TARBP1: variants seen among roughly 807,000 people sequenced by gnomAD.
The protein encoded by TARBP1 is tRNA (guanosine(18)-2'-O)-methyltransferase TARBP1.
TARBP1 carries 144 observed loss-of-function variants against 178.6 expected under a neutral mutation model. The ratio of observed to expected loss-of-function variants is 0.81; its 90% CI spans 0.70 to 0.93. The LOEUF is 0.93. Ranked by LOEUF, TARBP1 falls within the 40% of genes least tolerant of loss-of-function variation. The pLI is 0.00. For synonymous variants in TARBP1, 787 were observed against 781.0 expected (o/e 1.01, Z -0.13); for missense variants, 2,067 against 2,011.7 (o/e 1.03, Z -0.53).
In TARBP1 at chr1:234,427,378, C is replaced by A; in HGVS notation, c.3262G>T (p.Asp1088Tyr). ...AGGTTTTCTATGAAGGTCTGTACAT[C>A]CTGAACAAGTCTTTCCATAAAAAAC... is the stretch of plus-strand genomic sequence containing the variant. ...VFRRDQRLVQ[D>Y]VQTFIENLGH... The change falls in exon 19 of 30, where the codon GAT becomes TAT. Residue 1088 changes from aspartate to tyrosine, a missense_variant. Coordinates refer to ENST00000040877, the MANE Select transcript of TARBP1 (RefSeq NM_005646.4). The A allele has an allele frequency of 6.2e-7, 1 of 1,608,302 alleles. No homozygotes were observed. The highest frequency in any genetic ancestry group is 8.5e-7 in the Non-Finnish European group (1 of 1,178,050).
Position 234,478,394 on chromosome 1 carries a change from G to A in TARBP1, c.710C>T (p.Ala237Val). ...EEKLLVLSALAEKLLPEPGGD... is the reference protein window; with the variant it reads ...EEKLLVLSALVEKLLPEPGGD... ...GCCGGGCTCGGGCAACAGCTTCTCG[G>A]CCAGGGCGCTCAGGACCAGCAGCTT... is the stretch of plus-strand genomic sequence containing the variant. Residue 237 changes from alanine (A) to valine (V), a missense_variant, in exon 1 of 30, where the codon GCC becomes GTC. By Grantham distance (64) the Ala-to-Val change is moderately conservative. Coordinates refer to ENST00000040877, the MANE Select transcript of TARBP1 (RefSeq NM_005646.4). 7.4e-7 allele frequency: 1 copy of A among 1,355,720 alleles called. No homozygotes were observed. The highest frequency in any genetic ancestry group is 9.5e-7 in the Non-Finnish European group (1 of 1,049,516). The allele number at this position is 1,355,720 out of a possible 1,614,324, so 84.0% of individuals were successfully genotyped here. A position where few individuals can be genotyped will look rare whatever the true frequency, so the allele number is the denominator to read the frequency against.
chr1:234,416,083 T>A (rs372210593), intron 22 of TARBP1, among the ~76,000 whole-genome samples: 2 of 152,188 alleles, frequency 1.3e-5, no homozygotes, highest in East Asian at 3.8e-4. Context: ...CTGGCACTAC[T>A]GTGGATGGGA....
intron 7 of TARBP1, 116 bp downstream of exon 7, chr1:234,460,145 C>A (rs1418153205): frequency 8.4e-6 from 10 of 1,185,164 alleles, no homozygotes; most frequent in Middle Eastern, 2.1e-4. Flanking sequence ...CCCAAACATC[C>A]CAATCCCAAT....
intron 10 of TARBP1, among the ~76,000 whole-genome samples, chr1:234,449,231 T>C (rs756398316): frequency 1.7e-4 from 26 of 152,330 alleles, no homozygotes; most frequent in Non-Finnish European, 2.9e-4. Context: ...AGAGGACCTT[T>C]GTCTCTGCCC....
intron 12 of TARBP1, among the ~76,000 whole-genome samples, chr1:234,443,126 A>C (rs1327152573): frequency 1.3e-5 from 2 of 152,050 alleles, no homozygotes; most frequent in Non-Finnish European, 2.9e-5. Context: ...CCCTGTTTCT[A>C]ATAAAAATAC....
chr1:234,419,369 C>T (rs72763882), intron 21 of TARBP1, among the ~76,000 whole-genome samples: 7,234 of 152,118 alleles, frequency 0.048, 235 homozygotes, highest in Middle Eastern at 0.14. Flanking sequence ...ATTTTGAATT[C>T]CACCTCTATC....
chr1:234,465,933 T>G (rs772529211), intron 4 of TARBP1, among the ~76,000 whole-genome samples: 2 of 152,046 alleles, frequency 1.3e-5, no homozygotes, highest in African/African-American at 2.4e-5. Flanking sequence ...TGATTAAAAT[T>G]TATGCCATAC....
At chr1:234,454,848 T>G (rs187779648) in intron 9 of TARBP1, among the ~76,000 whole-genome samples, 35 of 152,288 alleles carry the variant, frequency 2.3e-4, no homozygotes, top group African/African-American at 7.5e-4. Context: ...CAAAAGGAGC[T>G]TTGCAGATTT....
intron 6 of TARBP1, among the ~76,000 whole-genome samples, chr1:234,463,375 C>T (rs147708871): frequency 0.024 from 3,586 of 152,252 alleles, 145 homozygotes; most frequent in African/African-American, 0.082. Flanking sequence ...CTGTCTGCCT[C>T]GGCCTCCCAA....
chr1:234,453,654 A>G (rs1667010510), intron 9 of TARBP1, among the ~76,000 whole-genome samples: 1 of 152,242 alleles, frequency 6.6e-6, no homozygotes, highest in Non-Finnish European at 1.5e-5. Context: ...ACATAACTAG[A>G]TAATTAGATA....
At chr1:234,448,913 G>A (rs528431482) in intron 10 of TARBP1, among the ~76,000 whole-genome samples, 3 of 152,190 alleles carry the variant, frequency 2.0e-5, no homozygotes, top group South Asian at 4.1e-4. Context: ...TGAGGGCTAC[G>A]AATGAGAAGT....
Position 234,478,353 on chromosome 1 carries a change from CGCGGGCGCG to C in TARBP1, c.742_750del (p.Arg248_Arg250del), listed in dbSNP as rs1669778268. 7.9e-7 allele frequency: 1 copy of C among 1,269,870 alleles called. No individual in the cohort carries two copies. Among genetic ancestry groups the C allele is most frequent in the Admixed American group, 4.1e-5 (1 of 24,110 alleles). The allele number at this position is 1,269,870 out of a possible 1,614,324, so 78.7% of individuals were successfully genotyped here. A position where few individuals can be genotyped will look rare whatever the true frequency, so the allele number is the denominator to read the frequency against. The stretch of plus-strand genomic sequence containing the variant: ...GCGTCCGGGCCCGCCTCGCGCGCGC[CGCGGGCGCG>C]GTCGCCGCCGGGCTCGGGCAACAGC... On this transcript the variant is annotated inframe_deletion, in exon 1 of 30. Transcript: ENST00000040877.
At chr1:234,449,382 A>T (rs1293771543) in intron 10 of TARBP1, among the ~76,000 whole-genome samples, 1 of 152,246 alleles carries the variant, frequency 6.6e-6, no homozygotes, top group Non-Finnish European at 1.5e-5. Flanking sequence ...AAGCAAGAGT[A>T]GATGCAAGGT....
rs1664684547 is a variant in TARBP1, at chr1:234,433,453, T to G, written c.2351A>C (p.Lys784Thr). ...NPIWRVISLL[K>T]NASIQHLQEM... ...TTGAAGATGCTGAATGGATGCATTT[T>G]TCAAAAGAGAAATAACTCTCCAGAT... Residue 784 changes from lysine to threonine, a missense_variant, in exon 14 of 30, where the codon AAA becomes ACA. Physicochemically the swap from Lys to Thr is moderately conservative, Grantham distance 78. Coordinates refer to ENST00000040877, the MANE Select transcript of TARBP1 (RefSeq NM_005646.4). 8.1e-6 allele frequency: 13 copies of G among 1,613,914 alleles called. No individual in the cohort carries two copies. Among genetic ancestry groups the G allele is most frequent in the Non-Finnish European group, 1.1e-5 (13 of 1,180,004 alleles).
In TARBP1 at chr1:234,478,346, C is replaced by T. The variant is rs1420634237; in HGVS notation, c.758G>A (p.Arg253His). 1 of 1,275,726 alleles carries T rather than the reference C, an allele frequency of 7.8e-7. No individual in the cohort carries two copies. The allele number at this position is 1,275,726 out of a possible 1,614,324, so 79.0% of individuals were successfully genotyped here. A position where few individuals can be genotyped will look rare whatever the true frequency, so the allele number is the denominator to read the frequency against. Reference sequence around the variant, plus strand: ...GCGCCGGGCGTCCGGGCCCGCCTCGCGCGCGCCGCGGGCGCGGTCGCCGCC... The same window carrying T: ...GCGCCGGGCGTCCGGGCCCGCCTCGTGCGCGCCGCGGGCGCGGTCGCCGCC... ...EPGGDRARGA[R>H]EAGPDARRCW... The change falls in exon 1 of 30, where the codon CGC becomes CAC. Residue 253 changes from arginine to histidine, a missense_variant. Coordinates refer to ENST00000040877, the MANE Select transcript of TARBP1 (RefSeq NM_005646.4).
At chr1:234,458,707 G>A (rs539838888) in intron 8 of TARBP1, among the ~76,000 whole-genome samples, 9 of 152,216 alleles carry the variant, frequency 5.9e-5, no homozygotes, top group African/African-American at 1.9e-4. Context: ...CTTGAATGTC[G>A]ATACAGGGGA....
At chr1:234,447,062 G>A in intron 11 of TARBP1, 87 bp from the exon 12 acceptor site, 6 of 1,403,046 alleles carry the variant, frequency 4.3e-6, no homozygotes, top group Non-Finnish European at 6.0e-6. Context: ...AAACTGGTTA[G>A]CTAATGGATC....
At chr1:234,420,529 T>C (rs1645890951) in intron 21 of TARBP1, among the ~76,000 whole-genome samples, 173 bp downstream of exon 21, 1 of 152,240 alleles carries the variant, frequency 6.6e-6, no homozygotes, top group South Asian at 2.1e-4. Context: ...CTAATTGCCT[T>C]GGTATTCTCT....
chr1:234,470,580 C>T (rs1366550075), intron 3 of TARBP1, among the ~76,000 whole-genome samples: 1 of 151,494 alleles, frequency 6.6e-6, no homozygotes, highest in East Asian at 1.9e-4. Context: ...AACCTTATCT[C>T]TTAATTGTAG....
Sources: allele counts gnomAD v4.1 joint callset (sites outside exome capture counted in the v4.1 genomes callset), GRCh38; gene constraint gnomAD v4.1.1; transcripts MANE v1.5; gene names NCBI Gene and HGNC (gene_info 2026-07-23, HGNC 2026-07-21).